The following NYAP2 variants were observed in gnomAD, a reference collection of about 807,000 sequenced individuals.
The protein encoded by NYAP2 is neuronal tyrosine-phosphorylated phosphoinositide-3-kinase adapter 2.
Under a neutral mutation model 50.4 loss-of-function variants are expected in NYAP2, and 23 were observed. The ratio of observed to expected loss-of-function variants is 0.46; its 90% CI spans 0.33 to 0.65. The LOEUF is 0.65. Among genes scored for constraint, NYAP2 ranks in the 30% least tolerant of loss-of-function variants. The pLI is 0.02. For synonymous variants in NYAP2, 394 were observed against 365.2 expected, an observed-to-expected ratio of 1.08 and a Z score of -0.90; for missense variants, 885 against 861.0, an observed-to-expected ratio of 1.03 and a Z score of -0.35.
chr2:225,560,962 G>A (rs1691861483), intron 4 of NYAP2, among the ~76,000 whole-genome samples: 1 of 127,468 alleles, frequency 7.8e-6, no homozygotes, highest in African/African-American at 2.8e-5. Context: ...GGCTTCTCAT[G>A]AATTCATCAA....
chr2:225,628,784 T>C (rs989380868), intron 6 of NYAP2, among the ~76,000 whole-genome samples: 1 of 152,186 alleles, frequency 6.6e-6, no homozygotes, highest in Non-Finnish European at 1.5e-5. Context: ...TATATACTTC[T>C]ATTGTGGCTA....
At chr2:225,473,354 T>A (rs935697985) in intron 3 of NYAP2, among the ~76,000 whole-genome samples, 3 of 152,228 alleles carry the variant, frequency 2.0e-5, no homozygotes, top group Non-Finnish European at 2.9e-5. Context: ...AAATGGTATT[T>A]CTAGTTCTAG....
rs189514624 is a variant in NYAP2, at chr2:225,553,112, C to T, written c.524-28829C>T. ...AAACTCCAGAAGCTTGCAGGAAGGG[C>T]CCTAACAGCAAGGCTTGTGGAGCTC... On this transcript the variant is annotated intron_variant, in intron 4 of 6. Transcript: ENST00000636099. Among the ~76,000 whole-genome samples, 337 of 152,308 alleles carry T rather than the reference C, an allele frequency of 2.2e-3. 2 individuals carry two copies. The highest frequency in any genetic ancestry group is 6.8e-3 in the Middle Eastern group (2 of 294).
At chr2:225,433,914 T>C (rs367845928) in intron 3 of NYAP2, among the ~76,000 whole-genome samples, 1 of 151,386 alleles carries the variant, frequency 6.6e-6, no homozygotes, top group Non-Finnish European at 1.5e-5. Context: ...CAAATATCAG[T>C]ATTTAGGGGA....
chr2:225,550,259 C>G (rs1469026825), intron 4 of NYAP2, among the ~76,000 whole-genome samples: 1 of 151,998 alleles, frequency 6.6e-6, no homozygotes, highest in Non-Finnish European at 1.5e-5. Flanking sequence ...AAGCAATACT[C>G]ATTCAGTAGA....
chr2:225,506,525 G>T (rs897426334), intron 3 of NYAP2, among the ~76,000 whole-genome samples: 3 of 152,150 alleles, frequency 2.0e-5, no homozygotes, highest in Middle Eastern at 3.2e-3. Context: ...CAGCCTAGCT[G>T]GTCCTGATAC....
intron 6 of NYAP2, among the ~76,000 whole-genome samples, chr2:225,635,275 T>G (rs1392042195): frequency 6.6e-6 from 1 of 152,200 alleles, no homozygotes; most frequent in Non-Finnish European, 1.5e-5. Context: ...CTTTTTTTAG[T>G]GTGTAAGTAA....
intron 5 of NYAP2, among the ~76,000 whole-genome samples, chr2:225,612,516 A>G (rs1489876362): frequency 6.6e-6 from 1 of 152,054 alleles, no homozygotes; most frequent in Non-Finnish European, 1.5e-5. Flanking sequence ...TCAGGCTACC[A>G]TAACAAAATA....
intron 6 of NYAP2, among the ~76,000 whole-genome samples, chr2:225,632,035 C>T (rs1489267762): frequency 6.6e-6 from 1 of 152,158 alleles, no homozygotes; most frequent in Non-Finnish European, 1.5e-5. Context: ...TCAGGCTAGT[C>T]TCAAACTCCT....
At chr2:225,457,505 T>C (rs1286236234) in intron 3 of NYAP2, among the ~76,000 whole-genome samples, 4 of 152,212 alleles carry the variant, frequency 2.6e-5, no homozygotes, top group Non-Finnish European at 1.5e-5. Flanking sequence ...CAGCAGACAC[T>C]GCTACTGTAC....
intron 5 of NYAP2, among the ~76,000 whole-genome samples, chr2:225,596,184 A>G (rs908656537): frequency 6.6e-6 from 1 of 152,032 alleles, no homozygotes; most frequent in East Asian, 1.9e-4. Flanking sequence ...CTCTTGCCTA[A>G]CATGTTAAGA....
intron 3 of NYAP2, among the ~76,000 whole-genome samples, chr2:225,462,313 T>G (rs1378848060): frequency 6.6e-6 from 1 of 152,248 alleles, no homozygotes; most frequent in East Asian, 1.9e-4. Context: ...ATGTTTGAAA[T>G]GAAGGTTGAG....
At chr2:225,404,905 T>C (rs948300959) in intron 2 of NYAP2, among the ~76,000 whole-genome samples, 1 of 151,880 alleles carries the variant, frequency 6.6e-6, no homozygotes, top group African/African-American at 2.4e-5. Context: ...GGAAATCCGA[T>C]GTTGGTGATT....
chr2:225,489,582 T>C (rs1409425549), intron 3 of NYAP2, among the ~76,000 whole-genome samples: 1 of 152,190 alleles, frequency 6.6e-6, no homozygotes, highest in Non-Finnish European at 1.5e-5. Context: ...TTACTAAAAG[T>C]CTAATAATTT....
chr2:225,666,839 C>T, the NYAP2 span, among the ~76,000 whole-genome samples: 3 of 144,196 alleles, frequency 2.1e-5, no homozygotes, highest in African/African-American at 8.0e-5. Flanking sequence ...CATATTCCCC[C>T]CCCTCCATGC....
chr2:225,677,036 G>A, the NYAP2 span, among the ~76,000 whole-genome samples: 10 of 152,244 alleles, frequency 6.6e-5, no homozygotes, highest in Non-Finnish European at 1.5e-4. Context: ...TCCAACCCAT[G>A]AGCATGGAAT....
In NYAP2 at chr2:225,569,958, A is replaced by C. The variant is rs545362571; in HGVS notation, c.524-11983A>C. Among the ~76,000 whole-genome samples, 14 of 152,248 alleles carry C rather than the reference A, an allele frequency of 9.2e-5. No individual in the cohort carries two copies. The South Asian group carries it at 2.9e-3, about 32-fold the overall frequency. Reference sequence around the variant, plus strand: ...TTATCCTACTAGACTTGTGTAAAGGATGGAATGGCAGGTGCAATCTGAGAG... The same window carrying C: ...TTATCCTACTAGACTTGTGTAAAGGCTGGAATGGCAGGTGCAATCTGAGAG... On this transcript the variant is annotated intron_variant, in intron 4 of 6. Coordinates refer to ENST00000636099, the Ensembl canonical transcript of NYAP2.
At chr2:225,506,361 G>T (rs185577892) in intron 3 of NYAP2, among the ~76,000 whole-genome samples, 1 of 150,882 alleles carries the variant, frequency 6.6e-6, no homozygotes, top group African/African-American at 2.5e-5. Flanking sequence ...ATGATGAATT[G>T]TATGACAAGT....
At chr2:225,519,105 T>C (rs1163499308) in intron 4 of NYAP2, among the ~76,000 whole-genome samples, 2 of 152,048 alleles carry the variant, frequency 1.3e-5, no homozygotes, top group Non-Finnish European at 2.9e-5. Context: ...TCAGTTGTAA[T>C]AATCTTTTAA....
Sources: gnomAD v4.1 joint callset for allele counts (sites outside exome capture counted in the v4.1 genomes callset) on GRCh38, gnomAD v4.1.1 for gene constraint, MANE v1.5 for transcripts, NCBI Gene and HGNC (gene_info 2026-07-23, HGNC 2026-07-21) for gene names.